The following MCC variants were observed in gnomAD, a reference collection of about 807,000 sequenced individuals.
MCC encodes the protein colorectal mutant cancer protein.
MCC carries 90 observed loss-of-function variants against 116.2 expected under a neutral mutation model. The ratio of observed to expected loss-of-function variants is 0.77; its 90% CI spans 0.65 to 0.92. The LOEUF is 0.92. Ranked by LOEUF, MCC falls within the 40% of genes least tolerant of loss-of-function variation. The pLI is 0.00. For missense variants in MCC, 1,516 were observed against 1,312.2 expected (o/e 1.16, Z -2.40); for synonymous variants, 578 against 510.5 (o/e 1.13, Z -1.78).
At chr5:113,419,380 G>A (rs904284980) in intron 1 of MCC, among the ~76,000 whole-genome samples, 5 of 149,978 alleles carry the variant, frequency 3.3e-5, no homozygotes, top group African/African-American at 7.4e-5. Flanking sequence ...TTTTTTCTTG[G>A]TAGAGATGGG....
chr5:113,167,028 G>A (rs1053623995), intron 3 of MCC, among the ~76,000 whole-genome samples: 5 of 152,232 alleles, frequency 3.3e-5, no homozygotes, highest in African/African-American at 9.6e-5. Flanking sequence ...CTTTCCAGTC[G>A]GGGCGAGTCT....
chr5:113,488,432 GGGA>G lies in MCC; in HGVS notation c.-21_-19del, dbSNP rs1244927174. 2.1e-5 allele frequency: 30 copies of G among 1,399,434 alleles called. No homozygotes were observed. The highest frequency in any genetic ancestry group is 2.7e-5 in the Non-Finnish European group (29 of 1,090,708). 86.7% of individuals were successfully genotyped at this position (1,399,434 alleles called of 1,614,324 possible). On this transcript the variant is annotated 5_prime_UTR_variant, in exon 1 of 19. Transcript: ENST00000408903. ...GCCATCATGCGCCCGCTCCCTACTTGGGAGGAGGAGTACGCGCGACCGCAGCTG... is the reference window on the plus strand; with the variant it reads ...GCCATCATGCGCCCGCTCCCTACTTGGGAGGAGTACGCGCGACCGCAGCTG...
intron 4 of MCC, among the ~76,000 whole-genome samples, chr5:113,149,488 G>T (rs1759723992): frequency 6.6e-6 from 1 of 152,068 alleles, no homozygotes; most frequent in Non-Finnish European, 1.5e-5. Context: ...TGGCCTTGCT[G>T]AGCTACTCAT....
intron 1 of MCC, among the ~76,000 whole-genome samples, chr5:113,469,217 T>C (rs531797253): frequency 2.0e-5 from 3 of 152,326 alleles, no homozygotes; most frequent in Admixed American, 2.0e-4. Flanking sequence ...TTTCTTGCCT[T>C]ATGCTAGCTT....
At chr5:113,333,230 C>T (rs1402295911) in intron 3 of MCC, among the ~76,000 whole-genome samples, 2 of 151,616 alleles carry the variant, frequency 1.3e-5, no homozygotes, top group Non-Finnish European at 1.5e-5. Context: ...TTGGATGAAA[C>T]GTGTGGATGT....
chr5:113,358,160 G>A (rs183959964), intron 2 of MCC, among the ~76,000 whole-genome samples: 1 of 152,254 alleles, frequency 6.6e-6, no homozygotes, highest in African/African-American at 2.4e-5. Flanking sequence ...AATGAAAATA[G>A]CCAATCATGT....
chr5:113,133,383 C>T (rs866886968), intron 5 of MCC, among the ~76,000 whole-genome samples: 1 of 152,078 alleles, frequency 6.6e-6, no homozygotes, highest in Non-Finnish European at 1.5e-5. Flanking sequence ...TAAGAACATG[C>T]GATATTTGTC....
intron 3 of MCC, among the ~76,000 whole-genome samples, chr5:113,239,930 C>G (rs1474629813): frequency 6.6e-6 from 1 of 152,168 alleles, no homozygotes; most frequent in African/African-American, 2.4e-5. Context: ...AGTCTCCACA[C>G]AGAGCTCAGG....
chr5:113,101,194 GCA>G (rs1486595838), intron 8 of MCC, among the ~76,000 whole-genome samples: 3 of 151,942 alleles, frequency 2.0e-5, no homozygotes, highest in African/African-American at 7.3e-5. Context: ...CACATAACAT[GCA>G]CACTTAAACA....
At chr5:113,164,096 A>G (rs1760644719) in intron 3 of MCC, among the ~76,000 whole-genome samples, 1 of 152,212 alleles carries the variant, frequency 6.6e-6, no homozygotes, top group Admixed American at 6.5e-5. Context: ...CTCCCAGTGT[A>G]TTCAGAGAGA....
chr5:113,277,189 AC>A (rs1231296625), intron 3 of MCC, among the ~76,000 whole-genome samples: 1 of 145,030 alleles, frequency 6.9e-6, no homozygotes, highest in African/African-American at 2.8e-5. Flanking sequence ...CTAAAAAAAA[AC>A]AAAAAACAAA....
At chr5:113,403,499 T>C (rs143389062) in intron 1 of MCC, among the ~76,000 whole-genome samples, 2 of 152,220 alleles carry the variant, frequency 1.3e-5, no homozygotes, top group African/African-American at 4.8e-5. Flanking sequence ...GGGCTCTTCA[T>C]GTTTCAGAAA....
intron 5 of MCC, among the ~76,000 whole-genome samples, chr5:113,133,969 A>C (rs1198265743): frequency 6.6e-6 from 1 of 152,094 alleles, no homozygotes; most frequent in African/African-American, 2.4e-5. Context: ...TGTGCTACTG[A>C]GTTCCTTATA....
At chr5:113,380,939 G>C (rs1769104006) in intron 2 of MCC, among the ~76,000 whole-genome samples, 1 of 152,182 alleles carries the variant, frequency 6.6e-6, no homozygotes, top group African/African-American at 2.4e-5. Context: ...ACCACATTGT[G>C]GTAAGGAATT....
At chr5:113,409,270 C>CA (rs768127286) in intron 1 of MCC, among the ~76,000 whole-genome samples, 14 of 152,276 alleles carry the variant, frequency 9.2e-5, no homozygotes, top group Middle Eastern at 3.4e-3. Context: ...ACCTTCTTAA[C>CA]ATAAATTGAA....
intron 3 of MCC, among the ~76,000 whole-genome samples, chr5:113,231,196 A>G (rs1347955527): frequency 6.6e-6 from 1 of 152,164 alleles, no homozygotes; most frequent in Non-Finnish European, 1.5e-5. Flanking sequence ...TTGAGGTACT[A>G]AAACATTTCC....
chr5:113,169,686 A>G (rs988748655), intron 3 of MCC, among the ~76,000 whole-genome samples: 1 of 152,134 alleles, frequency 6.6e-6, no homozygotes. Flanking sequence ...AAATGCATTG[A>G]CTTGACCTCT....
chr5:113,168,533 G>C (rs972851885), intron 3 of MCC, among the ~76,000 whole-genome samples: 1 of 152,134 alleles, frequency 6.6e-6, no homozygotes, highest in Non-Finnish European at 1.5e-5. Flanking sequence ...TACATTATTA[G>C]AGTATACAAA....
intron 3 of MCC, among the ~76,000 whole-genome samples, chr5:113,287,277 C>T (rs1054794920): frequency 7.2e-5 from 11 of 152,272 alleles, no homozygotes; most frequent in African/African-American, 2.6e-4. Flanking sequence ...ATATAATTTT[C>T]ATTTTCTGTA....
Sources: gnomAD v4.1 joint callset for allele counts (sites outside exome capture counted in the v4.1 genomes callset) on GRCh38, gnomAD v4.1.1 for gene constraint, MANE v1.5 for transcripts, NCBI Gene and HGNC (gene_info 2026-07-23, HGNC 2026-07-21) for gene names.